The following SLC22A25 variants were observed in gnomAD, a reference collection of about 807,000 sequenced individuals.
SLC22A25 encodes the protein MGI:2442751, MGI:2385316, MGI:3042283, MGI:3645714, MGI:3605624, MGI:2442750.
SLC22A25 carries 44 observed loss-of-function variants against 45.9 expected under a neutral mutation model. That is an observed-to-expected ratio of 0.96 (90% CI 0.75 to 1.23). The LOEUF is 1.23. Among genes scored for constraint, SLC22A25 ranks in the 50% most tolerant of loss-of-function variants. The pLI is 0.00. For missense variants in SLC22A25, 800 were observed against 666.4 expected, an observed-to-expected ratio of 1.20 and a Z score of -2.21; for synonymous variants, 283 against 238.6, an observed-to-expected ratio of 1.19 and a Z score of -1.72.
In SLC22A25 at chr11:63,158,965, T is replaced by C. The variant is rs1565051928; in HGVS notation, c.*4859A>G. ...CTCTCTATGTCTATGAGTTCAATTG[T>C]TTTTATTTTTATCTCACACAAATAA... is the stretch of plus-strand genomic sequence containing the variant. On this transcript the variant is annotated 3_prime_UTR_variant, in exon 12 of 12. Transcript: ENST00000306494. Among the ~76,000 whole-genome samples, 1 of 152,178 alleles carries C rather than the reference T, an allele frequency of 6.6e-6. No homozygotes were observed. Among genetic ancestry groups the C allele is most frequent in the East Asian group, 1.9e-4 (1 of 5,186 alleles).
chr11:63,239,032 G>A lies in SLC22A25; in HGVS notation c.-892C>T, dbSNP rs2090207338. The A allele has an allele frequency of 5.9e-6, 1 of 169,464 alleles. No homozygotes were observed. The highest frequency in any genetic ancestry group is 2.4e-5 in the African/African-American group (1 of 42,278). 10.5% of individuals were successfully genotyped at this position (169,464 alleles called of 1,614,324 possible). On this transcript the variant is annotated 5_prime_UTR_variant, in exon 2 of 12. Transcript: ENST00000306494. Reference sequence around the variant, plus strand: ...ATACAACACGAGGGCAAACTATAAAGGTGGAGATGATAAGAAAAACCATCT... The same window carrying A: ...ATACAACACGAGGGCAAACTATAAAAGTGGAGATGATAAGAAAAACCATCT...
intron 7 of SLC22A25, among the ~76,000 whole-genome samples, chr11:63,195,071 G>A (rs2088968010): frequency 6.6e-6 from 1 of 151,920 alleles, no homozygotes. Context: ...ATATATATAT[G>A]CACCCAATAC....
In SLC22A25 at chr11:63,188,543, C is replaced by T. The variant is rs376731887; in HGVS notation, c.831-4726G>A. Among the ~76,000 whole-genome samples, 10 of 152,280 alleles carry T rather than the reference C, an allele frequency of 6.6e-5. No homozygotes were observed. In the East Asian group the frequency reaches 1.5e-3, roughly 23 times the overall value. On this transcript the variant is annotated intron_variant, in intron 7 of 11. Coordinates refer to ENST00000306494, the MANE Select transcript of SLC22A25 (RefSeq NM_199352.6). Reference sequence around the variant, plus strand: ...TGAAGAGTTCTTTGTGTCTCTATCTCCTTCAGTTCTGCTCTGATCTTAGTT... The same window carrying T: ...TGAAGAGTTCTTTGTGTCTCTATCTTCTTCAGTTCTGCTCTGATCTTAGTT...
At position 63,160,548 on chromosome 11, in the gene SLC22A25, G is replaced by A. The variant is rs1279876452; in HGVS notation, c.*3276C>T. ...GGGTCCTCATGGAGAACCTCTGCTT[G>A]GGCGGTGTGAAAGGAAGATGTGGGG... is the stretch of plus-strand genomic sequence containing the variant. On this transcript the variant is annotated 3_prime_UTR_variant, in exon 12 of 12. Transcript: ENST00000306494. 6.6e-6 allele frequency among the ~76,000 whole-genome samples: 1 copy of A among 152,172 alleles called. No homozygotes were observed. The highest frequency in any genetic ancestry group is 6.5e-5 in the Admixed American group (1 of 15,278).
intron 7 of SLC22A25, among the ~76,000 whole-genome samples, chr11:63,211,533 T>A (rs1388368458): frequency 6.6e-6 from 1 of 152,158 alleles, no homozygotes; most frequent in Non-Finnish European, 1.5e-5. Context: ...TGGGGGCAAT[T>A]GCAATATGCC....
chr11:63,211,732 A>G (rs1326016107), intron 7 of SLC22A25, among the ~76,000 whole-genome samples: 1 of 152,186 alleles, frequency 6.6e-6, no homozygotes, highest in African/African-American at 2.4e-5. Flanking sequence ...AAACCTAGGC[A>G]ATACCATTCA....
chr11:63,207,931 G>A (rs1341582715), intron 7 of SLC22A25, among the ~76,000 whole-genome samples: 4 of 151,974 alleles, frequency 2.6e-5, no homozygotes, highest in Non-Finnish European at 4.4e-5. Context: ...CCCACGAAAT[G>A]CTTAAAAGGT....
intron 7 of SLC22A25, among the ~76,000 whole-genome samples, chr11:63,214,738 C>A (rs1418272237): frequency 6.6e-6 from 1 of 151,910 alleles, no homozygotes; most frequent in Non-Finnish European, 1.5e-5. Context: ...CAGATCTCCC[C>A]CCACCCCACG....
At chr11:63,223,321 G>T (rs2089892308) in intron 5 of SLC22A25, among the ~76,000 whole-genome samples, 1 of 151,882 alleles carries the variant, frequency 6.6e-6, no homozygotes, top group Non-Finnish European at 1.5e-5. Flanking sequence ...GGTCTGTTCT[G>T]GTTTTGGATT....
chr11:63,176,168 GTTC>G lies in SLC22A25; in HGVS notation c.1070+4489_1070+4491del, dbSNP rs150819174. ...TCAGGTGGTTGTGGCCTTTAGCATT[GTTC>G]TTCTTTCTCAAGGTAGTTTTATCTA... On this transcript the variant is annotated intron_variant, in intron 9 of 11. Transcript: ENST00000306494. Among the ~76,000 whole-genome samples, 622 of 152,038 alleles carry G rather than the reference GTTC, an allele frequency of 4.1e-3. 7 individuals carry two copies. Among genetic ancestry groups the G allele is most frequent in the African/African-American group, 0.014 (589 of 41,536 alleles).
At chr11:63,190,896 G>A (rs1052498991) in intron 7 of SLC22A25, among the ~76,000 whole-genome samples, 4 of 152,156 alleles carry the variant, frequency 2.6e-5, no homozygotes, top group Admixed American at 1.3e-4. Flanking sequence ...CTGCCTGACT[G>A]TTCCTCTGGA....
At chr11:63,173,903 T>C (rs763516961) in intron 9 of SLC22A25, among the ~76,000 whole-genome samples, 2 of 151,550 alleles carry the variant, frequency 1.3e-5, no homozygotes, top group Non-Finnish European at 2.9e-5. Flanking sequence ...TCTTTTCTTT[T>C]TTTTTTTTTT....
Position 63,182,982 on chromosome 11 carries a change from A to G in SLC22A25, c.954+712T>C, listed in dbSNP as rs2088383171. 2.6e-5 allele frequency among the ~76,000 whole-genome samples: 4 copies of G among 152,262 alleles called. No homozygotes were observed. The South Asian group carries it at 8.3e-4, about 32-fold the overall frequency. On this transcript the variant is annotated intron_variant, in intron 8 of 11. Coordinates refer to ENST00000306494, the MANE Select transcript of SLC22A25 (RefSeq NM_199352.6). ...TCTCTCATATTAAAGTAAAAGCTCCATTCAGGCTGTGACCCTGACTTCCTC... is the reference window on the plus strand; with the variant it reads ...TCTCTCATATTAAAGTAAAAGCTCCGTTCAGGCTGTGACCCTGACTTCCTC...
chr11:63,165,655 A>T (rs894355362), intron 10 of SLC22A25, among the ~76,000 whole-genome samples: 3 of 152,330 alleles, frequency 2.0e-5, no homozygotes, highest in African/African-American at 7.2e-5. Context: ...GGTAAGAAAG[A>T]GCCCAGACAG....
In SLC22A25 at chr11:63,166,484, G is replaced by C. The variant is rs989584017; in HGVS notation, c.1071-226C>G. ...GAGGGACAACAGATGTTGTATGGAG[G>C]ATGTGCTATGGGGTTTATTTATTTA... On this transcript the variant is annotated intron_variant, in intron 9 of 11. Coordinates refer to ENST00000306494, the MANE Select transcript of SLC22A25 (RefSeq NM_199352.6). The C allele has an allele frequency of 5.1e-6, 7 of 1,366,534 alleles. No individual in the cohort carries two copies. The African/African-American group carries it at 8.8e-5, about 17-fold the overall frequency. 84.7% of individuals were successfully genotyped at this position (1,366,534 alleles called of 1,614,324 possible).
intron 7 of SLC22A25, among the ~76,000 whole-genome samples, chr11:63,199,103 C>G (rs1000335051): frequency 3.3e-5 from 5 of 151,912 alleles, no homozygotes; most frequent in African/African-American, 9.6e-5. Flanking sequence ...AAAAGATGAA[C>G]TAATAAAGAT....
rs1269033169 is a variant in SLC22A25, at chr11:63,162,043, A to G, written c.*1781T>C. Among the ~76,000 whole-genome samples the G allele has an allele frequency of 6.6e-6, 1 of 152,152 alleles. No homozygotes were observed. The highest frequency in any genetic ancestry group is 1.9e-4 in the East Asian group (1 of 5,194). ...TCAATGATGTTCAGCACTTTTTCCTATGACTGTTTGACATCTGTATGTCTT... is the reference window on the plus strand; with the variant it reads ...TCAATGATGTTCAGCACTTTTTCCTGTGACTGTTTGACATCTGTATGTCTT... On this transcript the variant is annotated 3_prime_UTR_variant, in exon 12 of 12. Coordinates refer to ENST00000306494, the MANE Select transcript of SLC22A25 (RefSeq NM_199352.6).
chr11:63,175,630 T>G (rs958367365), intron 9 of SLC22A25, among the ~76,000 whole-genome samples: 1 of 152,080 alleles, frequency 6.6e-6, no homozygotes, highest in Admixed American at 6.6e-5. Context: ...ATTTTTCCTT[T>G]CATCGTTTGT....
At chr11:63,181,177 T>C (rs906366145) in intron 8 of SLC22A25, among the ~76,000 whole-genome samples, 1 of 152,118 alleles carries the variant, frequency 6.6e-6, no homozygotes, top group Non-Finnish European at 1.5e-5. Context: ...TTTGCCTGCC[T>C]CAGGAAAGAG....
Sources: gnomAD v4.1 joint callset for allele counts (sites outside exome capture counted in the v4.1 genomes callset) on GRCh38, gnomAD v4.1.1 for gene constraint, MANE v1.5 for transcripts, NCBI Gene and HGNC (gene_info 2026-07-23, HGNC 2026-07-21) for gene names.